The following GPC5 variants were observed in gnomAD, a reference collection of about 807,000 sequenced individuals.
GPC5 encodes the protein glypican-5.
GPC5 carries 47 observed loss-of-function variants against 53.9 expected under a neutral mutation model. The ratio of observed to expected loss-of-function variants is 0.87; its 90% CI spans 0.69 to 1.11. The LOEUF (loss-of-function observed/expected upper bound fraction) is 1.11, where lower values mean the gene tolerates loss of function less well. Among genes scored for constraint, GPC5 ranks in the 50% most tolerant of loss-of-function variants. The pLI is 0.00. For synonymous variants in GPC5, 286 were observed against 263.3 expected (o/e 1.09, Z -0.84); for missense variants, 748 against 713.1 (o/e 1.05, Z -0.56).
chr13:92,110,247 C>T (rs983697221), intron 6 of GPC5, among the ~76,000 whole-genome samples: 1 of 152,116 alleles, frequency 6.6e-6, no homozygotes, highest in Non-Finnish European at 1.5e-5. Context: ...ACAGACTAAA[C>T]ACCAGGTAGT....
At chr13:92,432,370 T>G (rs1253131723) in intron 7 of GPC5, among the ~76,000 whole-genome samples, 1 of 146,908 alleles carries the variant, frequency 6.8e-6, no homozygotes, top group African/African-American at 2.5e-5. Context: ...TTTTTTTTTT[T>G]TTTTTTTTTC....
At chr13:92,825,116 A>T (rs1360047060) in intron 7 of GPC5, among the ~76,000 whole-genome samples, 1 of 152,100 alleles carries the variant, frequency 6.6e-6, no homozygotes, top group Non-Finnish European at 1.5e-5. Context: ...ATGATTTTTG[A>T]TCAAATATAC....
At chr13:91,971,299 G>T (rs1305923286) in intron 6 of GPC5, among the ~76,000 whole-genome samples, 1 of 152,012 alleles carries the variant, frequency 6.6e-6, no homozygotes, top group Admixed American at 6.6e-5. Flanking sequence ...ATTTCTGTGG[G>T]ATCGGTGGTG....
intron 6 of GPC5, among the ~76,000 whole-genome samples, chr13:91,999,481 T>C (rs1322204391): frequency 6.6e-6 from 1 of 152,206 alleles, no homozygotes; most frequent in African/African-American, 2.4e-5. Flanking sequence ...TTAGTTGACT[T>C]GTTCACATAT....
chr13:92,760,159 TTGTC>T (rs2138735898), intron 7 of GPC5, among the ~76,000 whole-genome samples: 1 of 151,884 alleles, frequency 6.6e-6, no homozygotes, highest in East Asian at 2.0e-4. Context: ...TATGGTGTCT[TTGTC>T]TGGTTTAGGT....
At chr13:91,809,471 T>C (rs748690576) in intron 5 of GPC5, among the ~76,000 whole-genome samples, 1 of 152,164 alleles carries the variant, frequency 6.6e-6, no homozygotes, top group Non-Finnish European at 1.5e-5. Context: ...CTGTAAATCC[T>C]CTGGCTGACG....
At chr13:92,655,583 C>A (rs1886106186) in intron 7 of GPC5, among the ~76,000 whole-genome samples, 1 of 152,144 alleles carries the variant, frequency 6.6e-6, no homozygotes. Flanking sequence ...GATCCACCCT[C>A]CCCGCCCTTG....
chr13:92,004,906 G>T (rs931652885), intron 6 of GPC5, among the ~76,000 whole-genome samples: 2 of 152,064 alleles, frequency 1.3e-5, no homozygotes, highest in African/African-American at 2.4e-5. Context: ...CCCATAACAC[G>T]TGAGAATTAT....
intron 7 of GPC5, among the ~76,000 whole-genome samples, chr13:92,790,843 C>G (rs1876434534): frequency 6.6e-6 from 1 of 151,848 alleles, no homozygotes; most frequent in Non-Finnish European, 1.5e-5. Context: ...TGGTAAGGCA[C>G]TATTTAAAAA....
chr13:91,898,482 T>A (rs1229527153), intron 5 of GPC5, among the ~76,000 whole-genome samples: 1 of 152,196 alleles, frequency 6.6e-6, no homozygotes, highest in Non-Finnish European at 1.5e-5. Context: ...TATTCTGTCA[T>A]TTTGCCCTTG....
At chr13:92,561,572 C>T (rs577769289) in intron 7 of GPC5, among the ~76,000 whole-genome samples, 2 of 152,126 alleles carry the variant, frequency 1.3e-5, no homozygotes, top group African/African-American at 4.8e-5. Context: ...GTCATTTATT[C>T]ATTTCCACAC....
At chr13:92,310,262 A>G (rs970539065) in intron 7 of GPC5, among the ~76,000 whole-genome samples, 2 of 152,038 alleles carry the variant, frequency 1.3e-5, no homozygotes, top group Admixed American at 6.6e-5. Flanking sequence ...TCACATCTTC[A>G]TCTTTTATCT....
At chr13:92,203,935 A>G (rs1317890142) in intron 7 of GPC5, among the ~76,000 whole-genome samples, 1 of 152,128 alleles carries the variant, frequency 6.6e-6, no homozygotes, top group Non-Finnish European at 1.5e-5. Context: ...AAAAAGAAGC[A>G]GTAATAAAAC....
chr13:92,859,783 C>G (rs976032765), intron 7 of GPC5, among the ~76,000 whole-genome samples: 3 of 152,120 alleles, frequency 2.0e-5, no homozygotes, highest in African/African-American at 7.2e-5. Context: ...ATCAGTATTG[C>G]TATAAAATAG....
At chr13:92,239,584 A>G (rs917799813) in intron 7 of GPC5, among the ~76,000 whole-genome samples, 2 of 152,000 alleles carry the variant, frequency 1.3e-5, no homozygotes, top group African/African-American at 4.8e-5. Context: ...TAGTCATAAA[A>G]TATCCTGCCA....
In GPC5 at chr13:91,398,665, C is replaced by T. The variant is rs916997786; in HGVS notation, c.-382C>T. 4 of 85,256 alleles carry T rather than the reference C, an allele frequency of 4.7e-5. No individual in the cohort carries two copies. The highest frequency in any genetic ancestry group is 1.0e-4 in the Non-Finnish European group (4 of 38,974). 5.3% of individuals were successfully genotyped at this position (85,256 alleles called of 1,614,324 possible). A position where few individuals can be genotyped will look rare whatever the true frequency, so the allele number is the denominator to read the frequency against. On this transcript the variant is annotated 5_prime_UTR_variant, in exon 1 of 8. Coordinates refer to ENST00000377067, the MANE Select transcript of GPC5 (RefSeq NM_004466.6). ...GAGCCGAGCCGGGCGGCGGAGGCGG[C>T]GGCGGCGGCGGCAGTGGCGGCAGTG... is the stretch of plus-strand genomic sequence containing the variant.
chr13:92,526,054 A>G (rs1025105958), intron 7 of GPC5, among the ~76,000 whole-genome samples: 1 of 152,104 alleles, frequency 6.6e-6, no homozygotes, highest in Non-Finnish European at 1.5e-5. Context: ...CTTAAATGTT[A>G]CTGTAGAACA....
intron 7 of GPC5, among the ~76,000 whole-genome samples, chr13:92,253,250 A>G (rs1374721664): frequency 2.0e-5 from 3 of 152,122 alleles, no homozygotes; most frequent in African/African-American, 7.2e-5. Flanking sequence ...CGTTTTAACC[A>G]GACTAGACAA....
intron 6 of GPC5, among the ~76,000 whole-genome samples, chr13:92,062,884 C>T (rs373426068): frequency 5.3e-5 from 8 of 151,916 alleles, no homozygotes; most frequent in African/African-American, 1.9e-4. Flanking sequence ...AGTGGGAGCC[C>T]CTAATTGCTG....
Sources: gnomAD v4.1 joint callset for allele counts (sites outside exome capture counted in the v4.1 genomes callset) on GRCh38, gnomAD v4.1.1 for gene constraint, MANE v1.5 for transcripts, NCBI Gene and HGNC (gene_info 2026-07-23, HGNC 2026-07-21) for gene names.